Variants in C5orf58 observed in about 807,000 individuals in gnomAD.
The protein encoded by C5orf58 is chromosome 5 open reading frame 58, also known as putative uncharacterized protein C5orf58.
Under a neutral mutation model 2.9 loss-of-function variants are expected in C5orf58, and 2 were observed. The observed-to-expected ratio is 0.69, with a 90% CI of 0.28 to 2.18. C5orf58 has a LOEUF of 2.18. Ranked by LOEUF, C5orf58 falls within the 30% of genes most tolerant of loss-of-function variation. The pLI, the probability that C5orf58 is intolerant of heterozygous loss-of-function variation, is 0.13. For missense variants in C5orf58, 96 were observed against 91.7 expected, an observed-to-expected ratio of 1.05 and a Z score of -0.19; for synonymous variants, 37 against 33.4, an observed-to-expected ratio of 1.11 and a Z score of -0.37.
At chr5:170,241,715 A>G (rs199888504) in intron 3 of C5orf58, among the ~76,000 whole-genome samples, 63,287 of 133,176 alleles carry the variant, frequency 0.48, 15,180 homozygotes, top group African/African-American at 0.51. Flanking sequence ...CAATCATGTC[A>G]TCTGCAAACA....
intron 3 of C5orf58, chr5:170,237,437 T>G (rs1184952575): frequency 5.1e-6 from 2 of 395,788 alleles, no homozygotes; most frequent in South Asian, 2.7e-4. Context: ...GTCAAGCAAC[T>G]AGTCAGTGGT....
downstream of C5orf58, chr5:170,248,659 G>A (rs766722322): frequency 5.6e-6 from 9 of 1,606,894 alleles, no homozygotes; most frequent in South Asian, 1.1e-5. Context: ...GTTGGCAACA[G>A]AGGCAGGAGG....
At chr5:170,242,474 C>T (rs1163164758) in intron 3 of C5orf58, among the ~76,000 whole-genome samples, 12 of 128,130 alleles carry the variant, frequency 9.4e-5, no homozygotes, top group South Asian at 8.9e-4. Flanking sequence ...TTGGTCTATT[C>T]AGAGATTCAA....
chr5:170,248,776 A>T, downstream of C5orf58: 1 of 1,612,336 alleles, frequency 6.2e-7, no homozygotes, highest in Non-Finnish European at 8.5e-7. Context: ...CAGAAGTGGC[A>T]TTTTCCTGAA....
downstream of C5orf58, chr5:170,252,373 TC>T (rs1561965888): frequency 3.1e-6 from 3 of 953,428 alleles, no homozygotes; most frequent in Non-Finnish European, 5.0e-6. Context: ...TCAGGACAGG[TC>T]AGTTCCCTTC....
rs1270949959 is a variant in C5orf58 at position 170,245,481 on chromosome 5, C to T, written c.95-481C>T. 3.9e-5 allele frequency among the ~76,000 whole-genome samples: 6 copies of T among 152,306 alleles called. 1 individual carries two copies. ...TGCGGGATATAATCTCGTGGTGCGC[C>T]GTTTTTTAAGCCGGTCTGAAAAGCG... On this transcript the variant is annotated intron_variant, in intron 3 of 3. Transcript: ENST00000593851.
Position 170,240,176 on chromosome 5 carries a change from T to C in C5orf58, c.94+5106T>C, listed in dbSNP as rs1760931504. 4.6e-5 allele frequency among the ~76,000 whole-genome samples: 7 copies of C among 151,708 alleles called. No individual in the cohort carries two copies. The South Asian group carries it at 1.5e-3, about 32-fold the overall frequency. ...ACATTTTCTTAATCCAGTCTATCAC[T>C]GTTGGACATTTGGGTTGGTTCCAAG... On this transcript the variant is annotated intron_variant, in intron 3 of 3. Transcript: ENST00000593851.
In C5orf58 at chr5:170,234,911, T is replaced by C. The variant is rs1333250750; in HGVS notation, c.1-66T>C. The C allele has an allele frequency of 1.3e-5, 8 of 630,344 alleles. 1 individual carries two copies. The Admixed American group carries it at 2.6e-4, about 21-fold the overall frequency. The allele number at this position is 630,344 out of a possible 1,614,324, so 39.0% of individuals were successfully genotyped here. ...CAGATTTATAGAAATACTGAAAATG[T>C]AAGTATTTTAAAAGTACACATAAAT... On this transcript the variant is annotated intron_variant, in intron 2 of 3. Transcript: ENST00000593851.
At chr5:170,235,353 C>A (rs1422792648) in intron 3 of C5orf58, among the ~76,000 whole-genome samples, 1 of 152,198 alleles carries the variant, frequency 6.6e-6, no homozygotes, top group Non-Finnish European at 1.5e-5. Flanking sequence ...ACACACCATT[C>A]AAGACTATGT....
intron 3 of C5orf58, among the ~76,000 whole-genome samples, chr5:170,242,842 C>T (rs1330000599): frequency 1.3e-5 from 2 of 151,366 alleles, no homozygotes; most frequent in African/African-American, 4.9e-5. Context: ...TTTGCTCTTG[C>T]TTTTCTAGTT....
chr5:170,234,236 C>A, intron 2 of C5orf58, 38 bp downstream of exon 2: 1 of 1,207,704 alleles, frequency 8.3e-7, no homozygotes. Flanking sequence ...AGCAGCTTGA[C>A]CCATGACTGC....
Position 170,233,008 on chromosome 5 carries a change from G to T in C5orf58, c.-85+1G>T. On this transcript the variant is annotated splice_donor_variant, in intron 1 of 3. Coordinates refer to ENST00000593851, the MANE Select transcript of C5orf58 (RefSeq NM_001102609.3). LOFTEE classifies it low-confidence loss of function (5UTR_SPLICE). ...CAGAACCTCGGTGACGGTTGGCCAG[G>T]TGGGTAGTGACGGCTGCTCGGTCTT... is the stretch of plus-strand genomic sequence containing the variant. 2 of 983,856 alleles carry T rather than the reference G, an allele frequency of 2.0e-6. No individual in the cohort carries two copies. The highest frequency in any genetic ancestry group is 2.4e-6 in the Non-Finnish European group (2 of 828,460). 60.9% of individuals were successfully genotyped at this position (983,856 alleles called of 1,614,324 possible).
At chr5:170,250,932 T>A (rs1157021679), downstream of C5orf58, 1 of 1,537,196 alleles carries the variant, frequency 6.5e-7, no homozygotes, top group Admixed American at 1.8e-5. Flanking sequence ...AAAGTCAATA[T>A]TTTTGTTGCT....
Position 170,246,189 on chromosome 5 carries a change from A to G in C5orf58, c.*76A>G. On this transcript the variant is annotated 3_prime_UTR_variant, in exon 4 of 4. Coordinates refer to ENST00000593851, the MANE Select transcript of C5orf58 (RefSeq NM_001102609.3). ...GGGAGAGTTGAGTTTACTAATTTGT[A>G]TATATATAATTTAAAACAAAATAAA... The G allele has an allele frequency of 1.8e-6, 2 of 1,142,774 alleles. No individual in the cohort carries two copies. Among genetic ancestry groups the G allele is most frequent in the Middle Eastern group, 2.7e-4 (1 of 3,764 alleles). The allele number at this position is 1,142,774 out of a possible 1,614,324, so 70.8% of individuals were successfully genotyped here.
chr5:170,247,845 T>A (rs1344535534), downstream of C5orf58: 1 of 152,296 alleles, frequency 6.6e-6, no homozygotes, highest in Non-Finnish European at 1.5e-5. Flanking sequence ...TGGACAATGC[T>A]TTTGGGGTTG....
chr5:170,243,979 G>T (rs1195804157), intron 3 of C5orf58, among the ~76,000 whole-genome samples: 1 of 145,238 alleles, frequency 6.9e-6, no homozygotes, highest in Non-Finnish European at 1.5e-5. Flanking sequence ...GCCTGGTGGT[G>T]ACAAAATCTC....
At chr5:170,250,659 T>C (rs1761415946), downstream of C5orf58, 2 of 1,193,320 alleles carry the variant, frequency 1.7e-6, no homozygotes, top group East Asian at 4.7e-5. Context: ...CTCTCAAAGA[T>C]CGCTCCATGA....
At chr5:170,239,778 T>A (rs1760907068) in intron 3 of C5orf58, among the ~76,000 whole-genome samples, 2 of 148,578 alleles carry the variant, frequency 1.3e-5, no homozygotes, top group Admixed American at 6.7e-5. Flanking sequence ...TAAATCTTAT[T>A]TTTTTTTTAA....
At chr5:170,248,938 G>A (rs927896650), downstream of C5orf58, 335 of 992,254 alleles carry the variant, frequency 3.4e-4, no homozygotes, top group African/African-American at 4.7e-3. Context: ...ATTGTGGGGG[G>A]AAAAAATGTA....
Sources: allele counts gnomAD v4.1 joint callset (sites outside exome capture counted in the v4.1 genomes callset), GRCh38; gene constraint gnomAD v4.1.1; transcripts MANE v1.5; gene names NCBI Gene and HGNC (gene_info 2026-07-23, HGNC 2026-07-21).